The following ODF4 variants were observed in gnomAD, a reference collection of about 807,000 sequenced individuals.
ODF4 encodes the protein outer dense fiber of sperm tails 4.
A neutral mutation model predicts 17.0 loss-of-function variants in ODF4; 11 were observed. That is an observed-to-expected ratio of 0.65 (90% CI 0.41 to 1.07). The LOEUF (loss-of-function observed/expected upper bound fraction) is 1.07. Among genes scored for constraint, ODF4 ranks in the 50% least tolerant of loss-of-function variants. The pLI, the probability that ODF4 is intolerant of heterozygous loss-of-function variation, is 0.00. For synonymous variants in ODF4, 127 were observed against 121.8 expected (o/e 1.04, Z -0.28); for missense variants, 281 against 310.2 (o/e 0.91, Z 0.71).
Position 8,340,478 on chromosome 17 carries a change from A to T in ODF4, c.427A>T (p.Ser143Cys). 6.2e-7 allele frequency: 1 copy of T among 1,612,166 alleles called. No individual in the cohort carries two copies. The highest frequency in any genetic ancestry group is 8.5e-7 in the Non-Finnish European group (1 of 1,179,148). The change falls in exon 1 of 3, where the codon AGC becomes TGC. Residue 143 changes from serine to cysteine, a missense_variant. Transcript: ENST00000328248. ...MGLLHFYKSRSCSDLENGKVT... is the reference protein window; with the variant it reads ...MGLLHFYKSRCCSDLENGKVT... The stretch of plus-strand genomic sequence containing the variant: ...GCTCCTGCACTTTTACAAATCCAGG[A>T]GCTGTTCTGACTTAGAGAATGGGAA...
rs1906234145 is a variant in ODF4, at chr17:8,346,004, A to C, written c.*152A>C. On this transcript the variant is annotated 3_prime_UTR_variant, in exon 3 of 3. Coordinates refer to ENST00000328248, the MANE Select transcript of ODF4 (RefSeq NM_153007.5). Reference sequence around the variant, plus strand: ...CTCTGCTTTCTCCCTGCCTTGATTGAGCTTGAGTGATGTGGAATAAATTGT... The same window carrying C: ...CTCTGCTTTCTCCCTGCCTTGATTGCGCTTGAGTGATGTGGAATAAATTGT... The C allele has an allele frequency of 1.7e-6, 1 of 591,164 alleles. No homozygotes were observed. Among genetic ancestry groups the C allele is most frequent in the Non-Finnish European group, 3.0e-6 (1 of 338,336 alleles). The allele number at this position is 591,164 out of a possible 1,614,324, so 36.6% of individuals were successfully genotyped here. A position where few individuals can be genotyped will look rare whatever the true frequency, so the allele number is the denominator to read the frequency against.
chr17:8,340,618 C>T, intron 1 of ODF4, 113 bp downstream of exon 1: 1 of 658,936 alleles, frequency 1.5e-6, no homozygotes, highest in Non-Finnish European at 2.6e-6. Flanking sequence ...ACTTTTTGGC[C>T]TGCAAGATGG....
intron 1 of ODF4, among the ~76,000 whole-genome samples, chr17:8,342,987 C>T (rs1332648122): frequency 1.3e-5 from 2 of 151,898 alleles, no homozygotes; most frequent in Non-Finnish European, 2.9e-5. Context: ...CCTGCCTCCA[C>T]CTCCCAAAGT....
At position 8,345,690 on chromosome 17, in the gene ODF4, T is replaced by C; in HGVS notation, c.612T>C (p.His204=). The change falls in exon 3 of 3, where the codon CAT becomes CAC. Residue 204 remains histidine (H), a synonymous_variant. Transcript: ENST00000328248. The surrounding 1 kb of genome is among the most constrained non-coding windows in gnomAD (Gnocchi z 4.1). ...FTCAILCYFN[H]KSFWSLILSH... ...CAGCGATCCTTTGCTACTTCAACCATAAAAGTTTCTGGAGTCTGATTCTGA... is the reference window on the plus strand; with the variant it reads ...CAGCGATCCTTTGCTACTTCAACCACAAAAGTTTCTGGAGTCTGATTCTGA... 2 of 1,614,116 alleles carry C rather than the reference T, an allele frequency of 1.2e-6. No individual in the cohort carries two copies. Among genetic ancestry groups the C allele is most frequent in the Non-Finnish European group, 1.7e-6 (2 of 1,180,004 alleles).
At chr17:8,343,849 T>C (rs1377262600) in intron 1 of ODF4, among the ~76,000 whole-genome samples, 3 of 115,818 alleles carry the variant, frequency 2.6e-5, no homozygotes, top group Non-Finnish European at 5.4e-5. Flanking sequence ...TGTGTGTGTG[T>C]CTATATATAT....
chr17:8,340,642 G>A (rs891164090), intron 1 of ODF4, 137 bp downstream of exon 1: 1 of 608,872 alleles, frequency 1.6e-6, no homozygotes, highest in Non-Finnish European at 2.9e-6. Context: ...CACTGGCACT[G>A]AGACCTCCGA....
rs1906058792 is a variant in ODF4 at position 8,342,424 on chromosome 17, G to T, written c.454+1919G>T. 2.6e-5 allele frequency among the ~76,000 whole-genome samples: 4 copies of T among 152,140 alleles called. No individual in the cohort carries two copies. In the South Asian group the frequency reaches 6.2e-4, roughly 24 times the overall value. On this transcript the variant is annotated intron_variant, in intron 1 of 2. Transcript: ENST00000328248. ...TGCCCAGCTAATTTTTGTATTTTTA[G>T]TAGAGACGGAGTTTCACCATGTTGG...
chr17:8,342,185 A>G (rs1434514746), intron 1 of ODF4, among the ~76,000 whole-genome samples: 1 of 152,228 alleles, frequency 6.6e-6, no homozygotes, highest in Non-Finnish European at 1.5e-5. Context: ...GCCTGGCTCT[A>G]AAACTCACAT....
chr17:8,345,352 T>A lies in ODF4; in HGVS notation c.464T>A (p.Ile155Asn). ...SDLENGKVTFIFSTLMLFPIN... is the reference protein window; with the variant it reads ...SDLENGKVTFNFSTLMLFPIN... ...GCCTCCTGTCTCCTAGTCACCTTCA[T>A]CTTCTCCACCCTCATGCTATTCCCC... The change falls in exon 2 of 3, where the codon ATC (isoleucine) becomes AAC (asparagine). Residue 155 changes from isoleucine to asparagine, a missense_variant. Coordinates refer to ENST00000328248, the MANE Select transcript of ODF4 (RefSeq NM_153007.5). This position sits in a 1 kb window ranked among gnomAD's most constrained non-coding sequence, Gnocchi z 4.1. 2 of 1,613,748 alleles carry A rather than the reference T, an allele frequency of 1.2e-6. No homozygotes were observed. Among genetic ancestry groups the A allele is most frequent in the Non-Finnish European group, 1.7e-6 (2 of 1,179,726 alleles).
chr17:8,345,420 C>A lies in ODF4; in HGVS notation c.532C>A (p.Pro178Thr). 1.2e-6 allele frequency: 2 copies of A among 1,613,708 alleles called. No homozygotes were observed. Among genetic ancestry groups the A allele is most frequent in the African/African-American group, 1.3e-5 (1 of 75,014 alleles). ...IFELERNVSI[P>T]IGWSYFIGWL... ...CGAGTTGGAAAGGAATGTATCCATCCCCATAGGCTGGAGCTATTTCATTGG... is the reference window on the plus strand; with the variant it reads ...CGAGTTGGAAAGGAATGTATCCATCACCATAGGCTGGAGCTATTTCATTGG... Residue 178 changes from proline (P) to threonine (T), a missense_variant, in exon 2 of 3, where the codon CCC becomes ACC. Coordinates refer to ENST00000328248, the MANE Select transcript of ODF4 (RefSeq NM_153007.5). The surrounding 1 kb of genome is among the most constrained non-coding windows in gnomAD (Gnocchi z 4.1).
Position 8,345,559 on chromosome 17 carries a change from A to G in ODF4, c.589+82A>G, listed in dbSNP as rs1906210170. The G allele has an allele frequency of 6.4e-7, 1 of 1,553,652 alleles. No individual in the cohort carries two copies. The highest frequency in any genetic ancestry group is 8.8e-7 in the Non-Finnish European group (1 of 1,134,482). On this transcript the variant is annotated intron_variant, in intron 2 of 2. Coordinates refer to ENST00000328248, the MANE Select transcript of ODF4 (RefSeq NM_153007.5). This position sits in a 1 kb window ranked among gnomAD's most constrained non-coding sequence, Gnocchi z 4.1. Reference sequence around the variant, plus strand: ...AAAGTGTGGAGGGAAGAGGCTGGCAATCCCCAGGGCTAGATTTTTAGGGTC... The same window carrying G: ...AAAGTGTGGAGGGAAGAGGCTGGCAGTCCCCAGGGCTAGATTTTTAGGGTC...
At position 8,344,732 on chromosome 17, in the gene ODF4, C is replaced by T. The variant is rs140871776; in HGVS notation, c.455-611C>T. On this transcript the variant is annotated intron_variant, in intron 1 of 2. Coordinates refer to ENST00000328248, the MANE Select transcript of ODF4 (RefSeq NM_153007.5). The stretch of plus-strand genomic sequence containing the variant: ...TTGAACTCCTGACCTTGTGATCCAC[C>T]TGCCTCGGCCTCCCAACGTGCTAGG... The T allele has an allele frequency of 2.4e-3, 594 of 251,628 alleles. 8 individuals are homozygous for T. Among genetic ancestry groups the T allele is most frequent in the African/African-American group, 0.013 (572 of 43,274 alleles). 15.6% of individuals were successfully genotyped at this position (251,628 alleles called of 1,614,324 possible).
intron 1 of ODF4, chr17:8,344,901 A>G: frequency 1.0e-6 from 1 of 993,584 alleles, no homozygotes; most frequent in Non-Finnish European, 1.2e-6. Flanking sequence ...CAATCAGCCC[A>G]TGTTTAAGGT....
chr17:8,340,647 C>T, intron 1 of ODF4, 142 bp downstream of exon 1: 1 of 606,474 alleles, frequency 1.6e-6, no homozygotes, highest in Admixed American at 2.9e-5. Context: ...GCACTGAGAC[C>T]TCCGATGATC....
At position 8,345,690 on chromosome 17, in the gene ODF4, TAA is replaced by T. The variant is rs778583306; in HGVS notation, c.615_616del (p.Ser206PhefsTer45). The T allele has an allele frequency of 1.2e-6, 2 of 1,614,116 alleles. No individual in the cohort carries two copies. The highest frequency in any genetic ancestry group is 1.7e-5 in the Admixed American group (1 of 60,002). On this transcript the variant is annotated frameshift_variant, in exon 3 of 3. Transcript: ENST00000328248. LOFTEE classifies it low-confidence loss of function (END_TRUNC). This position sits in a 1 kb window ranked among gnomAD's most constrained non-coding sequence, Gnocchi z 4.1. ...CAGCGATCCTTTGCTACTTCAACCA[TAA>T]AAGTTTCTGGAGTCTGATTCTGAGC... The part of the protein sequence containing the change: ...TCAILCYFNH[K>X]SFWSLILSHP...
chr17:8,345,396 G>A lies in ODF4; in HGVS notation c.508G>A (p.Glu170Lys), dbSNP rs140528575. Residue 170 changes from glutamate (E) to lysine (K), a missense_variant, in exon 2 of 3, where the codon GAG becomes AAG. Coordinates refer to ENST00000328248, the MANE Select transcript of ODF4 (RefSeq NM_153007.5). This position sits in a 1 kb window ranked among gnomAD's most constrained non-coding sequence, Gnocchi z 4.1. The part of the protein sequence containing the change: ...MLFPINIWIF[E>K]LERNVSIPIG... ...ATTCCCCATTAACATCTGGATCTTC[G>A]AGTTGGAAAGGAATGTATCCATCCC... 5.3e-5 allele frequency: 85 copies of A among 1,613,424 alleles called. No individual in the cohort carries two copies. In the South Asian group the frequency reaches 8.7e-4, roughly 16 times the overall value.
At chr17:8,340,603 T>C in intron 1 of ODF4, 98 bp downstream of exon 1, 1 of 721,982 alleles carries the variant, frequency 1.4e-6, no homozygotes, top group Non-Finnish European at 2.3e-6. Flanking sequence ...TTTCTGGTCA[T>C]CTTTACTTTT....
chr17:8,342,122 A>G (rs928048540), intron 1 of ODF4, among the ~76,000 whole-genome samples: 4 of 152,198 alleles, frequency 2.6e-5, no homozygotes, highest in African/African-American at 9.7e-5. Flanking sequence ...CAAAAGGAGA[A>G]TTTCACATGG....
rs202042653 is a variant in ODF4 at position 8,345,785 on chromosome 17, C to T, written c.707C>T (p.Thr236Met). The T allele has an allele frequency of 1.8e-5, 29 of 1,614,040 alleles. No homozygotes were observed. The highest frequency in any genetic ancestry group is 2.7e-5 in the African/African-American group (2 of 75,020). ...GSVEESPRAQTITDTPITQEG... is the reference protein window; with the variant it reads ...GSVEESPRAQMITDTPITQEG... The stretch of plus-strand genomic sequence containing the variant: ...GTAGAAGAATCTCCAAGGGCACAGA[C>T]GATCACAGACACCCCCATCACCCAG... The change falls in exon 3 of 3, where the codon ACG (threonine) becomes ATG (methionine). Residue 236 changes from threonine (T) to methionine (M), a missense_variant. Transcript: ENST00000328248. The surrounding 1 kb of genome is among the most constrained non-coding windows in gnomAD (Gnocchi z 4.1).
Sources: gnomAD v4.1 joint callset for allele counts (sites outside exome capture counted in the v4.1 genomes callset) on GRCh38, gnomAD v4.1.1 for gene constraint, Gnocchi (gnomAD v3.1) non-coding constraint, MANE v1.5 for transcripts, NCBI Gene and HGNC (gene_info 2026-07-23, HGNC 2026-07-21) for gene names.